Variants in PRELID2 observed in about 807,000 individuals in gnomAD.
PRELID2 encodes PRELI domain containing 2.
In PRELID2, 25 loss-of-function variants were observed where a neutral mutation model predicts 28.4. The ratio of observed to expected loss-of-function variants is 0.88; its 90% confidence interval spans 0.64 to 1.23. The LOEUF is 1.23. PRELID2 is among the 50% of genes most tolerant of loss of function. The pLI is 0.00. For synonymous variants in PRELID2, 76 were observed against 71.6 expected, an observed-to-expected ratio of 1.06 and a Z score of -0.31; for missense variants, 201 against 214.4, an observed-to-expected ratio of 0.94 and a Z score of 0.39.
In PRELID2 at chr5:145,562,326, C is replaced by T. The variant is rs556991725; in HGVS notation, n.71-89011G>A. ...ATTAGTCCTTGACTCCAGAAAAAAC[C>T]TCCAGTTTCGCCTAAAATACCAGGA... On this transcript the variant is annotated intron_variant and non_coding_transcript_variant, in intron 1 of 2. Coordinates refer to the PRELID2 transcript ENST00000510259. Among the ~76,000 whole-genome samples the T allele has an allele frequency of 1.9e-4, 29 of 152,260 alleles. 1 individual carries two copies. The South Asian group carries it at 6.0e-3, about 32-fold the overall frequency.
At chr5:145,309,539 G>C in the PRELID2 span, among the ~76,000 whole-genome samples, 1 of 152,170 alleles carries the variant, frequency 6.6e-6, no homozygotes. Context: ...TTTAAAGAAA[G>C]TATTTGCTGA....
intron 1 of PRELID2, among the ~76,000 whole-genome samples, chr5:145,527,951 C>T (rs1306297109): frequency 1.3e-5 from 2 of 152,096 alleles, no homozygotes; most frequent in African/African-American, 4.8e-5. Flanking sequence ...GCCCTGTTGT[C>T]CCATTACCAT....
At chr5:145,764,020 G>C (rs1301477498) in intron 6 of PRELID2, among the ~76,000 whole-genome samples, 1 of 151,312 alleles carries the variant, frequency 6.6e-6, no homozygotes, top group Non-Finnish European at 1.5e-5. Context: ...AGGTTGCAGA[G>C]AGGTGGAGGC....
the PRELID2 span, among the ~76,000 whole-genome samples, chr5:145,409,731 G>A: frequency 2.1e-5 from 3 of 144,322 alleles, no homozygotes; most frequent in African/African-American, 5.2e-5. Context: ...GGCTAACAAG[G>A]TGAAACCCCA....
At chr5:145,739,131 T>C (rs371042769) in intron 1 of PRELID2, among the ~76,000 whole-genome samples, 1 of 152,200 alleles carries the variant, frequency 6.6e-6, no homozygotes, top group South Asian at 2.1e-4. Context: ...GATGAAAAAC[T>C]GAAAAAATTA....
At chr5:145,744,249 A>G (rs4913037) in intron 1 of PRELID2, among the ~76,000 whole-genome samples, 127,471 of 152,262 alleles carry the variant, frequency 0.84, 53,642 homozygotes, top group East Asian at 0.96. Context: ...TTTCTCCTGC[A>G]GACCAGCAGA....
the PRELID2 span, among the ~76,000 whole-genome samples, chr5:145,263,861 A>G: frequency 6.6e-6 from 1 of 151,918 alleles, no homozygotes; most frequent in Admixed American, 6.6e-5. Flanking sequence ...TACCAAAAAA[A>G]AAAAAAAAGT....
chr5:145,340,770 C>T, the PRELID2 span, among the ~76,000 whole-genome samples: 44 of 116,490 alleles, frequency 3.8e-4, no homozygotes, highest in East Asian at 1.8e-3. Context: ...TAAAAATATA[C>T]ATATATATAT....
rs183378211 is a variant in PRELID2 at position 145,643,015 on chromosome 5, A to T, written n.70+121916T>A. On this transcript the variant is annotated intron_variant and non_coding_transcript_variant, in intron 1 of 2. Coordinates refer to the PRELID2 transcript ENST00000510259. ...GCTATGCAAGCTCTTTTTTGGTTCC[A>T]CATGAACTTTAAAGTAGTTTTTTCC... is the stretch of plus-strand genomic sequence containing the variant. Among the ~76,000 whole-genome samples the T allele has an allele frequency of 2.3e-3, 354 of 152,356 alleles. 1 individual carries two copies. Among genetic ancestry groups the T allele is most frequent in the Non-Finnish European group, 3.7e-3 (253 of 68,036 alleles).
chr5:145,691,375 C>G (rs1268605847), intron 1 of PRELID2, among the ~76,000 whole-genome samples: 1 of 152,152 alleles, frequency 6.6e-6, no homozygotes, highest in South Asian at 2.1e-4. Context: ...ATGAATCAAT[C>G]AAGCCTAACC....
chr5:145,467,932 T>C (rs940743844), downstream of PRELID2, among the ~76,000 whole-genome samples: 1 of 152,032 alleles, frequency 6.6e-6, no homozygotes, highest in Non-Finnish European at 1.5e-5. Flanking sequence ...ATTTTTTTAT[T>C]ATACTTTAAG....
intron 1 of PRELID2, among the ~76,000 whole-genome samples, chr5:145,499,944 C>T (rs1353939328): frequency 6.6e-6 from 1 of 152,226 alleles, no homozygotes; most frequent in Non-Finnish European, 1.5e-5. Flanking sequence ...AAACCCCACA[C>T]TTGGCTTTAA....
At chr5:145,572,848 T>A (rs1365328260) in intron 1 of PRELID2, among the ~76,000 whole-genome samples, 1 of 152,178 alleles carries the variant, frequency 6.6e-6, no homozygotes, top group Non-Finnish European at 1.5e-5. Flanking sequence ...ACTGAGGCTG[T>A]CTGGAAGTTA....
intron 1 of PRELID2, among the ~76,000 whole-genome samples, chr5:145,604,737 T>TG (rs1434776004): frequency 7.4e-6 from 1 of 135,740 alleles, no homozygotes; most frequent in African/African-American, 3.1e-5. Context: ...CACCAGCATC[T>TG]GTTTTTTTTG....
chr5:145,653,228 AG>A (rs775409178), intron 1 of PRELID2, among the ~76,000 whole-genome samples: 5 of 152,236 alleles, frequency 3.3e-5, no homozygotes, highest in Non-Finnish European at 5.9e-5. Flanking sequence ...CACCCAATAC[AG>A]GAGCACCCAG....
At chr5:145,565,330 T>C (rs924117825) in intron 1 of PRELID2, among the ~76,000 whole-genome samples, 1 of 152,228 alleles carries the variant, frequency 6.6e-6, no homozygotes, top group Non-Finnish European at 1.5e-5. Flanking sequence ...TTTGCCCTGT[T>C]ATTGTTTTGA....
At chr5:145,662,661 A>C (rs1754516753) in intron 1 of PRELID2, among the ~76,000 whole-genome samples, 1 of 152,016 alleles carries the variant, frequency 6.6e-6, no homozygotes, top group South Asian at 2.1e-4. Context: ...TTGTCATAGG[A>C]GGGGAATTGG....
downstream of PRELID2, among the ~76,000 whole-genome samples, chr5:145,467,225 T>A (rs542230905): frequency 6.6e-6 from 1 of 152,232 alleles, no homozygotes; most frequent in South Asian, 2.1e-4. Flanking sequence ...ACCAAGAGTA[T>A]TTGTCCTTAG....
the PRELID2 span, among the ~76,000 whole-genome samples, chr5:145,419,722 C>T: frequency 1.3e-5 from 2 of 152,100 alleles, no homozygotes; most frequent in Non-Finnish European, 2.9e-5. Flanking sequence ...TGTGCAGAAG[C>T]TCTTTAGTTT....
Sources: gnomAD v4.1 joint callset for allele counts (sites outside exome capture counted in the v4.1 genomes callset) on GRCh38, gnomAD v4.1.1 for gene constraint, MANE v1.5 for transcripts, NCBI Gene and HGNC (gene_info 2026-07-23, HGNC 2026-07-21) for gene names.